The following SLITRK2 variants were observed in gnomAD, a reference collection of about 807,000 sequenced individuals.
SLITRK2 encodes the protein SLIT and NTRK like family member 2.
SLITRK2 carries 13 observed loss-of-function variants against 35.4 expected under a neutral mutation model. The observed-to-expected ratio is 0.37, with a 90% CI of 0.24 to 0.58. SLITRK2 has a LOEUF of 0.58. SLITRK2 is among the 20% of genes least tolerant of loss of function. The probability of loss-of-function intolerance (pLI) is 0.75; values close to 1 mark genes in which losing one functional copy is unlikely to be tolerated. For synonymous variants in SLITRK2, 294 were observed against 264.7 expected (o/e 1.11, Z -1.07); for missense variants, 471 against 634.3 (o/e 0.74, Z 2.76).
chrX:145,827,819 C>T lies in SLITRK2; in HGVS notation c.*2856C>T. ...TATATTCTGTTTTGCTTTATCTGCT[C>T]AAGCACTTTCGACCATATTTTATTT... On this transcript the variant is annotated 3_prime_UTR_variant, in exon 5 of 5. Coordinates refer to ENST00000335565, the MANE Select transcript of SLITRK2 (RefSeq NM_032539.5). The T allele has an allele frequency of 8.3e-7, 1 of 1,211,927 alleles. No individual in the cohort carries two copies. The highest frequency in any genetic ancestry group is 1.1e-6 in the Non-Finnish European group (1 of 895,533).
chrX:145,824,423 A>G lies in SLITRK2; in HGVS notation c.1998A>G (p.Gln666=), dbSNP rs782250903. 7.4e-6 allele frequency: 9 copies of G among 1,208,750 alleles called. No individual in the cohort carries two copies. In the Admixed American group the frequency reaches 1.3e-4, roughly 18 times the overall value. The change falls in exon 5 of 5, where the codon CAA becomes CAG. Residue 666 remains glutamine, a synonymous_variant. Transcript: ENST00000335565. The stretch of plus-strand genomic sequence containing the variant: ...ACAACTTAGACGTAAGCTCCTTTCA[A>G]TTACAGTATGGGTCTTACAACACTG... ...NTNNLDVSSF[Q]LQYGSYNTET...
chrX:145,819,223 T>C (rs1208275434), intron 1 of SLITRK2: 3 of 112,512 alleles, frequency 2.7e-5, no homozygotes, highest in Admixed American at 1.9e-4. Context: ...GAAATTACTG[T>C]ATCTGAGAAC....
Position 145,824,362 on chromosome X carries a change from G to T in SLITRK2, c.1937G>T (p.Arg646Leu), listed in dbSNP as rs2073080883. 8.3e-7 allele frequency: 1 copy of T among 1,208,840 alleles called. No individual in the cohort carries two copies. The highest frequency in any genetic ancestry group is 1.1e-6 in the Non-Finnish European group (1 of 895,013). Residue 646 changes from arginine (R) to leucine (L), a missense_variant, in exon 5 of 5, where the codon CGC becomes CTC. Transcript: ENST00000335565. ...GAGLFVFVLK[R>L]RKGVPSVPRN... Reference sequence around the variant, plus strand: ...GGTTTATTCGTCTTTGTCTTGAAACGCCGAAAGGGAGTGCCGAGCGTTCCC... The same window carrying T: ...GGTTTATTCGTCTTTGTCTTGAAACTCCGAAAGGGAGTGCCGAGCGTTCCC...
chrX:145,824,494 C>T lies in SLITRK2; in HGVS notation c.2069C>T (p.Pro690Leu), dbSNP rs376387668. The T allele has an allele frequency of 3.3e-6, 4 of 1,209,093 alleles. No homozygotes were observed. The highest frequency in any genetic ancestry group is 2.2e-6 in the Non-Finnish European group (2 of 895,053). ...TDGHVYNYIP[P>L]PVGQMCQNPI... ...GGCCATGTCTACAACTATATCCCCC[C>T]ACCTGTGGGTCAGATGTGCCAAAAC... The change falls in exon 5 of 5, where the codon CCA becomes CTA. Residue 690 changes from proline (P) to leucine (L), a missense_variant. Around this residue, in one of 7 missense-constraint regions of SLITRK2, gnomAD observed 190 missense variants for 199.3 expected, o/e 0.95. Coordinates refer to ENST00000335565, the MANE Select transcript of SLITRK2 (RefSeq NM_032539.5).
Position 145,829,482 on chromosome X carries a change from A to C in SLITRK2, c.*4519A>C, listed in dbSNP as rs1556946415. The C allele has an allele frequency of 8.1e-6, 1 of 123,000 alleles. No individual in the cohort carries two copies. The highest frequency in any genetic ancestry group is 1.9e-5 in the Non-Finnish European group (1 of 53,241). The allele number at this position is 123,000 out of a possible 1,213,427, so 10.1% of individuals were successfully genotyped here. On this transcript the variant is annotated 3_prime_UTR_variant, in exon 5 of 5. Transcript: ENST00000335565. ...CTGATGTGAATTGAGCTATCAAGCA[A>C]TGCTATCATAGCACAGTAGCAGTCC...
At position 145,825,317 on chromosome X, in the gene SLITRK2, G is replaced by A. The variant is rs2073111136; in HGVS notation, c.*354G>A. 5.5e-6 allele frequency: 1 copy of A among 182,088 alleles called. No individual in the cohort carries two copies. The highest frequency in any genetic ancestry group is 3.1e-5 in the African/African-American group (1 of 32,558). The allele number at this position is 182,088 out of a possible 1,213,427, so 15.0% of individuals were successfully genotyped here. ...TTGTTTTTCAGTGTGGGAGTGGGAA[G>A]AGGAGATTATAGTGACTGAAGAAAG... On this transcript the variant is annotated 3_prime_UTR_variant, in exon 5 of 5. Transcript: ENST00000335565.
Position 145,824,972 on chromosome X carries a change from C to A in SLITRK2, c.*9C>A, listed in dbSNP as rs1556945418. 2 of 1,198,315 alleles carry A rather than the reference C, an allele frequency of 1.7e-6. No individual in the cohort carries two copies. Among genetic ancestry groups the A allele is most frequent in the African/African-American group, 1.8e-5 (1 of 56,638 alleles). On this transcript the variant is annotated 3_prime_UTR_variant, in exon 5 of 5. Transcript: ENST00000335565. ...CAATCAGTCAGCTGTGAAGGGAAAT[C>A]ATTTACAACCCTAAGGCATCAGAGG...
Position 145,827,922 on chromosome X carries a change from A to C in SLITRK2, c.*2959A>C. 1 of 1,211,581 alleles carries C rather than the reference A, an allele frequency of 8.3e-7. No individual in the cohort carries two copies. Among genetic ancestry groups the C allele is most frequent in the South Asian group, 1.8e-5 (1 of 56,947 alleles). On this transcript the variant is annotated 3_prime_UTR_variant, in exon 5 of 5. Coordinates refer to ENST00000335565, the MANE Select transcript of SLITRK2 (RefSeq NM_032539.5). Reference sequence around the variant, plus strand: ...TTCACATGCAGCTTTAAGACGTATGAGCATCAGCACAGCAAAATGGTTCCA... The same window carrying C: ...TTCACATGCAGCTTTAAGACGTATGCGCATCAGCACAGCAAAATGGTTCCA...
Position 145,827,581 on chromosome X carries a change from A to C in SLITRK2, c.*2618A>C, listed in dbSNP as rs2073137410. ...GCCTACTGAGAGAACTCAAATTTAT[A>C]AACTCTGTTGCCTAATAATTATGGT... On this transcript the variant is annotated 3_prime_UTR_variant, in exon 5 of 5. Transcript: ENST00000335565. The C allele has an allele frequency of 1.2e-6, 1 of 821,053 alleles. No individual in the cohort carries two copies. Among genetic ancestry groups the C allele is most frequent in the East Asian group, 3.7e-5 (1 of 27,243 alleles). The allele number at this position is 821,053 out of a possible 1,213,427, so 67.7% of individuals were successfully genotyped here.
chrX:145,827,402 T>C lies in SLITRK2; in HGVS notation c.*2439T>C, dbSNP rs1345804452. On this transcript the variant is annotated 3_prime_UTR_variant, in exon 5 of 5. Coordinates refer to ENST00000335565, the MANE Select transcript of SLITRK2 (RefSeq NM_032539.5). ...GCTTAAATTATATGACTAGAGGCTC[T>C]TGATGCAGTGATTCCACTTCAGTGT... 1 of 201,383 alleles carries C rather than the reference T, an allele frequency of 5.0e-6. No individual in the cohort carries two copies. Among genetic ancestry groups the C allele is most frequent in the Non-Finnish European group, 8.9e-6 (1 of 112,860 alleles). 16.6% of individuals were successfully genotyped at this position (201,383 alleles called of 1,213,427 possible).
chrX:145,823,170 T>C lies in SLITRK2; in HGVS notation c.745T>C (p.Leu249=), dbSNP rs191948363. ...GATTGTCTGTGAGACTCCCTTTAGG[T>C]TGCATGGGAAAGACGTGACCCAGCT... ...GEIVCETPFR[L]HGKDVTQLTR... The change falls in exon 5 of 5, where the codon TTG becomes CTG. Residue 249 remains leucine, a synonymous_variant. Coordinates refer to ENST00000335565, the MANE Select transcript of SLITRK2 (RefSeq NM_032539.5). The C allele has an allele frequency of 9.1e-6, 11 of 1,209,261 alleles. No individual in the cohort carries two copies. The Admixed American group carries it at 1.3e-4, about 14-fold the overall frequency.
At position 145,828,970 on chromosome X, in the gene SLITRK2, T is replaced by C. The variant is rs1021262731; in HGVS notation, c.*4007T>C. On this transcript the variant is annotated 3_prime_UTR_variant, in exon 5 of 5. Transcript: ENST00000335565. ...ACTTTGTAAAGATGACTACCCAAGA[T>C]TGTAAATACAAAATTTAAAAAGGTA... 1.1e-4 allele frequency: 14 copies of C among 123,797 alleles called. No homozygotes were observed. The highest frequency in any genetic ancestry group is 4.5e-4 in the African/African-American group (14 of 30,983). 10.2% of individuals were successfully genotyped at this position (123,797 alleles called of 1,213,427 possible).
intron 1 of SLITRK2, chrX:145,818,965 G>GT (rs1556942388): frequency 9.0e-6 from 1 of 111,690 alleles, no homozygotes; most frequent in Admixed American, 9.5e-5. Context: ...TTTGTTCCTA[G>GT]TAACTACGTT....
At position 145,822,525 on chromosome X, in the gene SLITRK2, C is replaced by T. The variant is rs1556943723; in HGVS notation, c.100C>T (p.Leu34=). Residue 34 remains leucine, a synonymous_variant, in exon 5 of 5, where the codon CTG becomes TTG. Coordinates refer to ENST00000335565, the MANE Select transcript of SLITRK2 (RefSeq NM_032539.5). ...TAKDICKIRC[L]CEEKENVLNI... is the part of the protein sequence containing the mutation. ...CAAAGACATTTGCAAGATCCGCTGT[C>T]TGTGCGAAGAAAAGGAAAACGTACT... The T allele has an allele frequency of 8.3e-7, 1 of 1,211,586 alleles. No individual in the cohort carries two copies.
Position 145,824,222 on chromosome X carries a change from T to C in SLITRK2, c.1797T>C (p.Pro599=). The part of the protein sequence containing the change: ...VLSMNHNTDT[P]RSLSVSPSSY... ...CAATGAATCACAATACAGACACACC[T>C]CGGTCGCTTAGTGTGTCTCCTAGTT... The change falls in exon 5 of 5, where the codon CCT becomes CCC. Residue 599 remains proline (P), a synonymous_variant. Coordinates refer to ENST00000335565, the MANE Select transcript of SLITRK2 (RefSeq NM_032539.5). 1 of 1,211,075 alleles carries C rather than the reference T, an allele frequency of 8.3e-7. No individual in the cohort carries two copies. The highest frequency in any genetic ancestry group is 1.1e-6 in the Non-Finnish European group (1 of 895,140).
At position 145,824,298 on chromosome X, in the gene SLITRK2, T is replaced by C. The variant is rs138169257; in HGVS notation, c.1873T>C (p.Leu625=). Reference sequence around the variant, plus strand: ...TCCACTGTCTGTCTTAATTCTGGGATTGCTTGTTGTTTTCATCTTATCTGT... The same window carrying C: ...TCCACTGTCTGTCTTAATTCTGGGACTGCTTGTTGTTTTCATCTTATCTGT... The part of the protein sequence containing the change: ...EVPLSVLILG[L]LVVFILSVCF... The change falls in exon 5 of 5, where the codon TTG becomes CTG. Residue 625 remains leucine (L), a synonymous_variant. Transcript: ENST00000335565. 6.5e-3 allele frequency: 7,918 copies of C among 1,209,102 alleles called. 23 individuals carry two copies. Among genetic ancestry groups the C allele is most frequent in the Non-Finnish European group, 8.2e-3 (7,333 of 894,858 alleles).
At position 145,823,490 on chromosome X, in the gene SLITRK2, G is replaced by T. The variant is rs2124176176; in HGVS notation, c.1065G>T (p.Leu355=). Residue 355 remains leucine (L), a synonymous_variant, in exon 5 of 5, where the codon CTG becomes CTT. Transcript: ENST00000335565. ...CCTCTCAGAGCTCAGACAATGGTCT[G>T]AATGTAAACTGCCAAGAAAGGAAGT... ...VCTSQSSDNG[L]NVNCQERKFT... 3 of 1,211,812 alleles carry T rather than the reference G, an allele frequency of 2.5e-6. No individual in the cohort carries two copies. The highest frequency in any genetic ancestry group is 3.4e-6 in the Non-Finnish European group (3 of 895,522).
rs1366324454 is a variant in SLITRK2 at position 145,820,524 on chromosome X, G to T, written c.-742G>T. On this transcript the variant is annotated 5_prime_UTR_variant, in exon 2 of 5. Coordinates refer to ENST00000335565, the MANE Select transcript of SLITRK2 (RefSeq NM_032539.5). Reference sequence around the variant, plus strand: ...AGTGGCACATCTAGCAACAGAGCCAGATCAGAACCCAGGTAAGCTCGGTCT... The same window carrying T: ...AGTGGCACATCTAGCAACAGAGCCATATCAGAACCCAGGTAAGCTCGGTCT... The T allele has an allele frequency of 3.6e-5, 4 of 112,171 alleles. No homozygotes were observed. Among genetic ancestry groups the T allele is most frequent in the Non-Finnish European group, 5.6e-5 (3 of 53,268 alleles). The allele number at this position is 112,171 out of a possible 1,213,427, so 9.2% of individuals were successfully genotyped here.
rs373498501 is a variant in SLITRK2 at position 145,823,333 on chromosome X, G to A, written c.908G>A (p.Arg303Gln). ...CCAACCAGGGCTCCGAAAGCCAGCCGGCCGCCCAAAATGAGAAATCGTCCA... is the reference window on the plus strand; with the variant it reads ...CCAACCAGGGCTCCGAAAGCCAGCCAGCCGCCCAAAATGAGAAATCGTCCA... ...LNPTRAPKASRPPKMRNRPTP... is the reference protein window; with the variant it reads ...LNPTRAPKASQPPKMRNRPTP... The change falls in exon 5 of 5, where the codon CGG becomes CAG. Residue 303 changes from arginine to glutamine, a missense_variant. By Grantham distance (43) the Arg-to-Gln change is conservative (BLOSUM62 1). Around this residue, in one of 7 missense-constraint regions of SLITRK2, gnomAD observed 56 missense variants for 48.7 expected, o/e 1.15. Transcript: ENST00000335565. 9.9e-6 allele frequency: 12 copies of A among 1,209,055 alleles called. No homozygotes were observed. The highest frequency in any genetic ancestry group is 3.5e-5 in the South Asian group (2 of 56,753).
Sources: gnomAD v4.1 joint callset for allele counts on GRCh38, gnomAD v4.1.1 for gene constraint, gnomAD v4.1.1 regional missense constraint, MANE v1.5 for transcripts, NCBI Gene and HGNC (gene_info 2026-07-23, HGNC 2026-07-21) for gene names.